Variants in MPP1 observed in about 807,000 individuals in gnomAD.
MPP1 encodes the protein 55 kDa erythrocyte membrane protein.
In MPP1, 6 loss-of-function variants were observed where a neutral mutation model predicts 38.2. The ratio of observed to expected loss-of-function variants is 0.16; its 90% CI spans 0.09 to 0.31. The LOEUF (loss-of-function observed/expected upper bound fraction) is 0.31. MPP1 is among the 10% of genes least tolerant of loss of function. The pLI, the probability that MPP1 is intolerant of heterozygous loss-of-function variation, is 1.00. For missense variants in MPP1, 293 were observed against 368.9 expected (o/e 0.79, Z 1.69); for synonymous variants, 153 against 146.3 (o/e 1.05, Z -0.33).
At chrX:154,787,237 G>T (rs1557267318) in intron 5 of MPP1, among the ~76,000 whole-genome samples, 3 of 110,266 alleles carry the variant, frequency 2.7e-5, no homozygotes, top group East Asian at 5.7e-4. Flanking sequence ...GAAAATGATG[G>T]CACTTCCCAA....
At chrX:154,790,256 C>A (rs1331322569) in intron 4 of MPP1, among the ~76,000 whole-genome samples, 7 of 111,447 alleles carry the variant, frequency 6.3e-5, no homozygotes, top group Admixed American at 9.5e-5. Flanking sequence ...GAGCTGGGCA[C>A]GGTGGCTCAC....
chrX:154,801,758 C>CAAAAGAAAAAAAAAA (rs2072264310), intron 1 of MPP1, among the ~76,000 whole-genome samples: 1 of 6,851 alleles, frequency 1.5e-4, no homozygotes, highest in Non-Finnish European at 2.2e-4. Context: ...AACTCTGTCT[C>CAAAAGAAAAAAAAAA]AAAAAAAAAA....
At chrX:154,779,443 T>G (rs1463079319) in intron 11 of MPP1, 90 bp from the exon 12 acceptor site, 8 of 862,785 alleles carry the variant, frequency 9.3e-6, no homozygotes, top group Non-Finnish European at 1.3e-5. Flanking sequence ...ATTGTTAGCG[T>G]TGCTCAGCTG....
intron 7 of MPP1, chrX:154,784,710 G>T: frequency 3.3e-6 from 1 of 306,609 alleles, no homozygotes; most frequent in Non-Finnish European, 6.0e-6. Context: ...TAAAACGCTA[G>T]GGAGGGTGCA....
intron 5 of MPP1, among the ~76,000 whole-genome samples, chrX:154,787,513 A>C (rs1485511052): frequency 8.9e-6 from 1 of 112,251 alleles, no homozygotes; most frequent in Non-Finnish European, 1.9e-5. Context: ...GATAACATTC[A>C]AAACCCATTC....
At chrX:154,781,995 G>A in intron 9 of MPP1, 193 bp from the exon 10 acceptor site, 1 of 361,803 alleles carries the variant, frequency 2.8e-6, no homozygotes, top group Non-Finnish European at 4.8e-6. Context: ...CATCTGCCCA[G>A]GACACATTTA....
intron 8 of MPP1, 103 bp downstream of exon 8, chrX:154,783,925 G>A: frequency 1.4e-6 from 1 of 732,580 alleles, no homozygotes; most frequent in East Asian, 3.4e-5. Flanking sequence ...GAACCCAAGA[G>A]ACCTCAGTTC....
In MPP1 at chrX:154,792,256, G is replaced by A. The variant is rs148314668; in HGVS notation, c.132C>T (p.Thr44=). 5 of 1,209,371 alleles carry A rather than the reference G, an allele frequency of 4.1e-6. No homozygotes were observed. The highest frequency in any genetic ancestry group is 1.7e-5 in the African/African-American group (1 of 57,248). ...GAGACCCGTTGGTGTACATGTCCTC[G>A]GTCACAGTATTCAATGGATGCGATA... The part of the protein sequence containing the change: ...EAVSHPLNTV[T]EDMYTNGSPA... The change falls in exon 2 of 12, where the codon ACC becomes ACT. Residue 44 remains threonine, a synonymous_variant. Coordinates refer to ENST00000369534, the MANE Select transcript of MPP1 (RefSeq NM_002436.4).
intron 1 of MPP1, among the ~76,000 whole-genome samples, chrX:154,798,715 G>C (rs1232574376): frequency 1.8e-5 from 2 of 111,301 alleles, no homozygotes; most frequent in Non-Finnish European, 3.8e-5. Flanking sequence ...GTGGTGGCTA[G>C]AGGAATTTTA....
chrX:154,785,208 ACC>A, intron 6 of MPP1, 51 bp from the exon 7 acceptor site: 1 of 686,236 alleles, frequency 1.5e-6, no homozygotes, highest in Non-Finnish European at 2.0e-6. Flanking sequence ...CTCCCCTCAT[ACC>A]CCCCCCAGCC....
chrX:154,790,082 C>T, intron 4 of MPP1, 60 bp from the exon 5 acceptor site: 1 of 780,416 alleles, frequency 1.3e-6, no homozygotes, highest in African/African-American at 2.1e-5. Context: ...TGTGATCATT[C>T]ATTCAAAGTC....
At chrX:154,802,991 T>C (rs1017299800) in intron 1 of MPP1, among the ~76,000 whole-genome samples, 11 of 112,563 alleles carry the variant, frequency 9.8e-5, no homozygotes, top group Non-Finnish European at 2.1e-4. Context: ...AGGCAGCTCC[T>C]AGGGAGATAC....
chrX:154,779,783 A>G (rs1557266399), intron 11 of MPP1, among the ~76,000 whole-genome samples: 1 of 112,949 alleles, frequency 8.9e-6, no homozygotes, highest in African/African-American at 3.2e-5. Flanking sequence ...CAGTGGCACA[A>G]TCTCGGCTCA....
intron 5 of MPP1, among the ~76,000 whole-genome samples, chrX:154,789,511 G>A (rs1370320361): frequency 1.8e-5 from 2 of 112,138 alleles, no homozygotes; most frequent in Non-Finnish European, 3.8e-5. Context: ...GAAAACTGGT[G>A]TCTCATGCAT....
intron 1 of MPP1, chrX:154,804,664 G>A: frequency 3.0e-6 from 1 of 338,871 alleles, no homozygotes. Flanking sequence ...GAGTTTGGGA[G>A]AGATTTGCCA....
intron 1 of MPP1, among the ~76,000 whole-genome samples, chrX:154,793,166 T>C (rs2072160984): frequency 9.0e-6 from 1 of 111,704 alleles, no homozygotes; most frequent in Admixed American, 9.5e-5. Context: ...ACTTTAAAAG[T>C]AAGAAGTCTA....
rs1557266659 is a variant in MPP1 at position 154,781,664 on chromosome X, T to C, written c.1085A>G (p.Lys362Arg). The stretch of plus-strand genomic sequence containing the variant: ...ATGGATCTGGTGCACTGTTTCAAAT[T>C]TGGTGCCAAACATGTTGCCTTGGTA... ...GSYQGNMFGT[K>R]FETVHQIHKQ... is the part of the protein sequence containing the mutation. Residue 362 changes from lysine to arginine, a missense_variant, in exon 10 of 12, where the codon AAA becomes AGA. By Grantham distance (26) the Lys-to-Arg change is conservative (BLOSUM62 2). Coordinates refer to ENST00000369534, the MANE Select transcript of MPP1 (RefSeq NM_002436.4). The C allele has an allele frequency of 6.6e-6, 8 of 1,211,627 alleles. No homozygotes were observed. The highest frequency in any genetic ancestry group is 1.7e-5 in the African/African-American group (1 of 57,723).
intron 1 of MPP1, 103 bp downstream of exon 1, chrX:154,805,169 G>T: frequency 2.4e-6 from 2 of 844,725 alleles, no homozygotes; most frequent in Non-Finnish European, 3.3e-6. Flanking sequence ...GCCAGGACCC[G>T]CAAGGACAGG....
At chrX:154,791,739 C>T in intron 3 of MPP1, 30 bp downstream of exon 3, 1 of 1,168,240 alleles carries the variant, frequency 8.6e-7, no homozygotes, top group South Asian at 1.8e-5. Flanking sequence ...ATCCCTGAAT[C>T]AAACCCCACC....
Sources: allele counts gnomAD v4.1 joint callset (sites outside exome capture counted in the v4.1 genomes callset), GRCh38; gene constraint gnomAD v4.1.1; transcripts MANE v1.5; gene names NCBI Gene and HGNC (gene_info 2026-07-23, HGNC 2026-07-21).